GAD2: variants seen among roughly 807,000 people sequenced by gnomAD.
GAD2 encodes 65 kDa glutamic acid decarboxylase.
In GAD2, 22 loss-of-function variants were observed where a neutral mutation model predicts 80.1. The ratio of observed to expected loss-of-function variants is 0.27; its 90% CI spans 0.20 to 0.39. GAD2 has a LOEUF of 0.39. GAD2 is among the 10% of genes least tolerant of loss of function. GAD2 has a pLI of 1.00. For missense variants in GAD2, 624 were observed against 738.4 expected (o/e 0.85, Z 1.80); for synonymous variants, 274 against 256.9 (o/e 1.07, Z -0.64).
intron 13 of GAD2, 109 bp from the exon 14 acceptor site, chr10:26,292,356 T>G: frequency 1.3e-6 from 1 of 759,934 alleles, no homozygotes; most frequent in East Asian, 2.6e-5. Context: ...GTTGAGAAAG[T>G]GCCAGACGGG....
At chr10:26,277,723 A>G (rs1257938538) in intron 11 of GAD2, among the ~76,000 whole-genome samples, 2 of 152,174 alleles carry the variant, frequency 1.3e-5, no homozygotes, top group Non-Finnish European at 2.9e-5. Flanking sequence ...GGGGAAGAAA[A>G]GAGTGAAACT....
At position 26,217,949 on chromosome 10, in the gene GAD2, T is replaced by C. The variant is rs766303869; in HGVS notation, c.244T>C (p.Cys82Arg). Residue 82 changes from cysteine (C) to arginine (R), a missense_variant, in exon 3 of 16, where the codon TGC (cysteine) becomes CGC (arginine). Transcript: ENST00000376261. This position sits in a 1 kb window ranked among gnomAD's most constrained non-coding sequence, Gnocchi z 4.9. ...ACACDQKPCS[C>R]SKVDVNYAFL... Reference sequence around the variant, plus strand: ...CGCCTGCGACCAGAAGCCCTGCAGCTGCTCCAAAGTGGATGTCAACTACGC... The same window carrying C: ...CGCCTGCGACCAGAAGCCCTGCAGCCGCTCCAAAGTGGATGTCAACTACGC... The C allele has an allele frequency of 1.2e-6, 2 of 1,611,796 alleles. No individual in the cohort carries two copies. Among genetic ancestry groups the C allele is most frequent in the South Asian group, 2.2e-5 (2 of 91,020 alleles).
chr10:26,300,979 C>T lies in GAD2; in HGVS notation c.*18C>T, dbSNP rs1834323955. On this transcript the variant is annotated 3_prime_UTR_variant, in exon 16 of 16. Transcript: ENST00000376261. Reference sequence around the variant, plus strand: ...ATTTATAATAACCTTGCTCACCAAGCTGTTCCACTTCTCTAGGTAGACAAT... The same window carrying T: ...ATTTATAATAACCTTGCTCACCAAGTTGTTCCACTTCTCTAGGTAGACAAT... The T allele has an allele frequency of 9.4e-6, 15 of 1,601,346 alleles. No individual in the cohort carries two copies. The highest frequency in any genetic ancestry group is 1.7e-5 in the Admixed American group (1 of 59,956).
At chr10:26,246,252 C>T (rs1012942773) in intron 8 of GAD2, among the ~76,000 whole-genome samples, 1 of 152,142 alleles carries the variant, frequency 6.6e-6, no homozygotes, top group African/African-American at 2.4e-5. Context: ...TATTCTACAC[C>T]AAGAAAGTGC....
chr10:26,264,352 G>A (rs1315812768), intron 8 of GAD2, among the ~76,000 whole-genome samples: 1 of 137,124 alleles, frequency 7.3e-6, no homozygotes, highest in Non-Finnish European at 1.5e-5. Flanking sequence ...TCGCTCTGTC[G>A]CCCAGGCTGG....
At chr10:26,220,083 C>G (rs946686910) in intron 4 of GAD2, among the ~76,000 whole-genome samples, 4 of 152,122 alleles carry the variant, frequency 2.6e-5, no homozygotes, top group Non-Finnish European at 5.9e-5. Flanking sequence ...TTCATGTTAT[C>G]TACACAAAGT....
Position 26,284,213 on chromosome 10 carries a change from A to G in GAD2, c.1237-2132A>G, listed in dbSNP as rs562152072. On this transcript the variant is annotated intron_variant, in intron 12 of 15. Transcript: ENST00000376261. ...CATAAGATGGTAATAAGAGTTCCCC[A>G]ATAAGAGAGTTCTCAGTTTTAAAAA... Among the ~76,000 whole-genome samples the G allele has an allele frequency of 2.7e-4, 41 of 152,324 alleles. 1 individual carries two copies. Among genetic ancestry groups the G allele is most frequent in the African/African-American group, 9.9e-4 (41 of 41,570 alleles).
chr10:26,244,934 C>T (rs1304203863), intron 7 of GAD2, among the ~76,000 whole-genome samples: 4 of 151,954 alleles, frequency 2.6e-5, no homozygotes, highest in South Asian at 2.1e-4. Flanking sequence ...GGTGGATCAC[C>T]TGAGGTCAGG....
intron 8 of GAD2, among the ~76,000 whole-genome samples, chr10:26,256,821 A>G (rs928243666): frequency 3.9e-5 from 6 of 152,190 alleles, no homozygotes; most frequent in Non-Finnish European, 7.3e-5. Flanking sequence ...TTTGCAGTTA[A>G]TAAGTATCTT....
At chr10:26,216,682 G>A, upstream of GAD2, 1 of 576,936 alleles carries the variant, frequency 1.7e-6, no homozygotes, top group Non-Finnish European at 2.8e-6. The surrounding 1 kb of genome is among the most constrained non-coding windows in gnomAD (Gnocchi z 4.7). Context: ...CTCGCCGCTC[G>A]GCCCCGCCGG....
intron 12 of GAD2, among the ~76,000 whole-genome samples, chr10:26,285,147 C>T (rs993763358): frequency 1.3e-5 from 2 of 152,138 alleles, no homozygotes. Context: ...ACAAATACAT[C>T]GTATTTAATT....
chr10:26,273,542 G>A, intron 10 of GAD2, 94 bp from the exon 11 acceptor site: 1 of 1,021,506 alleles, frequency 9.8e-7, no homozygotes, highest in African/African-American at 1.6e-5. Context: ...AAGTGGCCTG[G>A]GGTCAAGATC....
chr10:26,262,858 T>A (rs566548497), intron 8 of GAD2, among the ~76,000 whole-genome samples: 2,535 of 152,240 alleles, frequency 0.017, 65 homozygotes, highest in African/African-American at 0.056. Flanking sequence ...TCCTTTTTTT[T>A]TTTTCCTCTC....
chr10:26,240,460 A>G (rs1242192198), intron 7 of GAD2, among the ~76,000 whole-genome samples: 3 of 152,120 alleles, frequency 2.0e-5, no homozygotes, highest in African/African-American at 7.2e-5. Context: ...ACCTACATAT[A>G]TTTTTTTAAT....
chr10:26,292,406 G>C, intron 13 of GAD2, 59 bp from the exon 14 acceptor site: 1 of 1,261,856 alleles, frequency 7.9e-7, no homozygotes, highest in Non-Finnish European at 1.2e-6. Context: ...AGTCTCCAGG[G>C]AAATCGCTTC....
chr10:26,276,640 G>A (rs759479515), intron 11 of GAD2, among the ~76,000 whole-genome samples: 2 of 151,978 alleles, frequency 1.3e-5, no homozygotes, highest in African/African-American at 4.8e-5. Flanking sequence ...CGCTCGCCTC[G>A]GCCTCCCAAA....
At chr10:26,266,018 A>C (rs1203385706) in intron 8 of GAD2, among the ~76,000 whole-genome samples, 3 of 152,244 alleles carry the variant, frequency 2.0e-5, no homozygotes, top group Non-Finnish European at 4.4e-5. Context: ...AATACCTCCC[A>C]GGCTAAAATG....
chr10:26,263,241 C>A (rs1845029432), intron 8 of GAD2, among the ~76,000 whole-genome samples: 1 of 152,014 alleles, frequency 6.6e-6, no homozygotes, highest in African/African-American at 2.4e-5. Flanking sequence ...AAAACAAATC[C>A]TAAAAGAGAA....
At chr10:26,239,839 G>T (rs1844718826) in intron 7 of GAD2, among the ~76,000 whole-genome samples, 2 of 152,256 alleles carry the variant, frequency 1.3e-5, no homozygotes, top group South Asian at 4.1e-4. Flanking sequence ...AACAAGTTTA[G>T]CAAGCTCACA....
Sources: gnomAD v4.1 joint callset for allele counts (sites outside exome capture counted in the v4.1 genomes callset) on GRCh38, gnomAD v4.1.1 for gene constraint, Gnocchi (gnomAD v3.1) non-coding constraint, MANE v1.5 for transcripts, NCBI Gene and HGNC (gene_info 2026-07-23, HGNC 2026-07-21) for gene names.